MAGI1: variants seen among roughly 807,000 people sequenced by gnomAD.
MAGI1 encodes the protein membrane-associated guanylate kinase, WW and PDZ domain-containing protein 1.
MAGI1 carries 58 observed loss-of-function variants against 139.9 expected under a neutral mutation model. The observed-to-expected ratio is 0.41, with a 90% CI of 0.34 to 0.52. The LOEUF is 0.52. Ranked by LOEUF, MAGI1 falls within the 20% of genes least tolerant of loss-of-function variation. The pLI, the probability that MAGI1 is intolerant of heterozygous loss-of-function variation, is 0.12. For missense variants in MAGI1, 1,874 were observed against 1,901.6 expected, an observed-to-expected ratio of 0.99 and a Z score of 0.27; for synonymous variants, 812 against 737.9, an observed-to-expected ratio of 1.10 and a Z score of -1.63.
intron 1 of MAGI1, among the ~76,000 whole-genome samples, chr3:66,000,486 CAAAAAT>C (rs903720545): frequency 6.6e-6 from 1 of 152,116 alleles, no homozygotes; most frequent in African/African-American, 2.4e-5. Context: ...ACGACTAAGG[CAAAAAT>C]AATCCCAACA....
At chr3:65,534,204 T>C (rs1268628584) in intron 2 of MAGI1, among the ~76,000 whole-genome samples, 1 of 152,154 alleles carries the variant, frequency 6.6e-6, no homozygotes, top group Admixed American at 6.6e-5. Flanking sequence ...ACACATACCA[T>C]AAGTGCAGGG....
At chr3:65,923,017 T>C (rs534590503) in intron 1 of MAGI1, among the ~76,000 whole-genome samples, 97 of 152,254 alleles carry the variant, frequency 6.4e-4, no homozygotes, top group African/African-American at 2.2e-3. Flanking sequence ...ATTTGCAAAT[T>C]ATAGCTTCCC....
chr3:65,779,909 C>T (rs1245283290), intron 1 of MAGI1, among the ~76,000 whole-genome samples: 1 of 151,608 alleles, frequency 6.6e-6, no homozygotes, highest in African/African-American at 2.4e-5. Flanking sequence ...AAAATAACAG[C>T]ACTAACAAAG....
At chr3:65,387,473 T>C (rs1943547796) in intron 14 of MAGI1, among the ~76,000 whole-genome samples, 1 of 152,094 alleles carries the variant, frequency 6.6e-6, no homozygotes, top group Non-Finnish European at 1.5e-5. Flanking sequence ...CCTATTACTA[T>C]CTTAAACTCT....
At chr3:65,811,629 C>G (rs1039415570) in intron 1 of MAGI1, among the ~76,000 whole-genome samples, 18 of 151,702 alleles carry the variant, frequency 1.2e-4, no homozygotes, top group Non-Finnish European at 1.0e-4. Flanking sequence ...TGTTTTCTTT[C>G]ACATGAAAGC....
Position 65,442,808 on chromosome 3 carries a change from C to T in MAGI1, c.1120G>A (p.Gly374Ser), listed in dbSNP as rs1948437172. ...GWEKIEDPVY[G>S]IYYVDHINRK... ...GGCACTTACTCTACATAGTAGATACCATAGACAGGGTCTTCAATCTTTTCC... is the reference window on the plus strand; with the variant it reads ...GGCACTTACTCTACATAGTAGATACTATAGACAGGGTCTTCAATCTTTTCC... Residue 374 changes from glycine (G) to serine (S), a missense_variant, in exon 8 of 23, where the codon GGT (glycine) becomes AGT (serine). Physicochemically the swap from Gly to Ser is moderately conservative, Grantham distance 56 (BLOSUM62 0). Transcript: ENST00000402939. The T allele has an allele frequency of 1.2e-6, 2 of 1,612,718 alleles. No homozygotes were observed. Among genetic ancestry groups the T allele is most frequent in the Non-Finnish European group, 1.7e-6 (2 of 1,179,106 alleles).
chr3:65,813,203 C>A (rs982228571), intron 1 of MAGI1, among the ~76,000 whole-genome samples: 5 of 152,078 alleles, frequency 3.3e-5, no homozygotes, highest in Non-Finnish European at 7.3e-5. Flanking sequence ...AAGCTATCCT[C>A]TTTGTCTCAC....
chr3:66,019,027 A>T (rs2067824701), intron 1 of MAGI1, among the ~76,000 whole-genome samples: 1 of 152,154 alleles, frequency 6.6e-6, no homozygotes. Flanking sequence ...CATTCATTCC[A>T]CAAATGTTTA....
chr3:65,687,025 T>C (rs113291663), intron 1 of MAGI1, among the ~76,000 whole-genome samples: 25 of 152,318 alleles, frequency 1.6e-4, no homozygotes, highest in Non-Finnish European at 2.8e-4. Flanking sequence ...CACTACTTCA[T>C]TAAGTCCTAA....
intron 1 of MAGI1, among the ~76,000 whole-genome samples, chr3:65,721,308 A>T (rs1460709704): frequency 6.6e-6 from 1 of 152,194 alleles, no homozygotes; most frequent in African/African-American, 2.4e-5. Flanking sequence ...GCTGGGCTCC[A>T]TGTCACTCTA....
At chr3:65,379,621 T>G in intron 16 of MAGI1, 67 bp from the exon 17 acceptor site, 1 of 1,543,602 alleles carries the variant, frequency 6.5e-7, no homozygotes, top group Non-Finnish European at 8.8e-7. Context: ...TGCCCCTCCC[T>G]CCTTCCAGCA....
At chr3:65,870,490 C>T (rs956480394) in intron 1 of MAGI1, among the ~76,000 whole-genome samples, 2 of 151,724 alleles carry the variant, frequency 1.3e-5, no homozygotes, top group African/African-American at 4.8e-5. Flanking sequence ...TGGACCAAGG[C>T]AGTGACTCAC....
At chr3:65,694,437 GT>G (rs769991587) in intron 1 of MAGI1, among the ~76,000 whole-genome samples, 8 of 138,428 alleles carry the variant, frequency 5.8e-5, no homozygotes, top group Non-Finnish European at 1.1e-4. Flanking sequence ...CGGGTAGTAA[GT>G]GCTAAAAAAA....
At chr3:65,750,441 C>CA (rs2036052321) in intron 1 of MAGI1, among the ~76,000 whole-genome samples, 1 of 152,174 alleles carries the variant, frequency 6.6e-6, no homozygotes, top group Non-Finnish European at 1.5e-5. Context: ...GCTAGATGAA[C>CA]TGTAGAATGA....
chr3:65,993,937 C>T lies in MAGI1; in HGVS notation c.313+44059G>A, dbSNP rs532112456. Among the ~76,000 whole-genome samples, 11 of 152,204 alleles carry T rather than the reference C, an allele frequency of 7.2e-5. No homozygotes were observed. The South Asian group carries it at 2.3e-3, about 32-fold the overall frequency. ...TGCCTGCCCTCAAGAAGTTTACCATCTCCTAAATAAGAGAGGACAACCCAC... is the reference window on the plus strand; with the variant it reads ...TGCCTGCCCTCAAGAAGTTTACCATTTCCTAAATAAGAGAGGACAACCCAC... On this transcript the variant is annotated intron_variant, in intron 1 of 22. Coordinates refer to ENST00000402939, the MANE Select transcript of MAGI1 (RefSeq NM_001033057.2).
At chr3:65,674,509 C>G (rs932867125) in intron 1 of MAGI1, among the ~76,000 whole-genome samples, 16 of 152,118 alleles carry the variant, frequency 1.1e-4, no homozygotes, top group African/African-American at 3.9e-4. Flanking sequence ...AAGAACAACC[C>G]CTTCTTTCTC....
chr3:65,496,711 G>A (rs959659662), intron 2 of MAGI1, among the ~76,000 whole-genome samples: 7 of 152,332 alleles, frequency 4.6e-5, no homozygotes, highest in East Asian at 3.9e-4. Context: ...AATAGCTAAT[G>A]CATGTGGGGC....
At chr3:65,688,103 T>A (rs571801378) in intron 1 of MAGI1, 5 of 759,914 alleles carry the variant, frequency 6.6e-6, no homozygotes, top group Non-Finnish European at 1.2e-5. Context: ...ACACTGCACA[T>A]AGGTGTTGCT....
intron 2 of MAGI1, among the ~76,000 whole-genome samples, chr3:65,510,224 G>A (rs895817093): frequency 7.2e-5 from 11 of 152,182 alleles, no homozygotes; most frequent in Non-Finnish European, 1.6e-4. Flanking sequence ...CAGAAAAACT[G>A]GAAACTGTAA....
Sources: gnomAD v4.1 joint callset for allele counts (sites outside exome capture counted in the v4.1 genomes callset) on GRCh38, gnomAD v4.1.1 for gene constraint, MANE v1.5 for transcripts, NCBI Gene and HGNC (gene_info 2026-07-23, HGNC 2026-07-21) for gene names.